DOCK4: variants seen among roughly 807,000 people sequenced by gnomAD.
DOCK4 encodes the protein dedicator of cytokinesis 4.
Under a neutral mutation model 268.1 loss-of-function variants are expected in DOCK4, and 97 were observed. That is an observed-to-expected ratio of 0.36 (90% CI 0.31 to 0.43). DOCK4 has a LOEUF of 0.43. Among genes scored for constraint, DOCK4 ranks in the 20% least tolerant of loss-of-function variants. DOCK4 has a pLI of 1.00. For missense variants in DOCK4, 2,145 were observed against 2,455.7 expected (o/e 0.87, Z 2.67); for synonymous variants, 954 against 887.2 (o/e 1.08, Z -1.34).
intron 24 of DOCK4, 79 bp downstream of exon 24, chr7:111,846,920 G>A: frequency 6.8e-7 from 1 of 1,467,626 alleles, no homozygotes; most frequent in Non-Finnish European, 9.1e-7. Flanking sequence ...CTTTAGTGCG[G>A]TTTCTTTGTA....
chr7:112,077,397 AT>A (rs1400686480), intron 1 of DOCK4, among the ~76,000 whole-genome samples: 1 of 152,038 alleles, frequency 6.6e-6, no homozygotes, highest in Non-Finnish European at 1.5e-5. Context: ...AATTTAGAAC[AT>A]TTTTCATTTT....
At chr7:111,838,878 T>G (rs1803451991) in intron 25 of DOCK4, among the ~76,000 whole-genome samples, 1 of 152,144 alleles carries the variant, frequency 6.6e-6, no homozygotes, top group Non-Finnish European at 1.5e-5. Context: ...CAATTATACC[T>G]CAATAAAATA....
rs560356680 is a variant in DOCK4 at position 111,805,392 on chromosome 7, T to A, written c.3166+3429A>T. Among the ~76,000 whole-genome samples the A allele has an allele frequency of 2.0e-5, 3 of 152,366 alleles. No homozygotes were observed. The South Asian group carries it at 6.2e-4, about 32-fold the overall frequency. On this transcript the variant is annotated intron_variant, in intron 30 of 52. Coordinates refer to ENST00000428084, the MANE Select transcript of DOCK4 (RefSeq NM_001363540.2). ...ATTCAGAACAAAGGTTAAACTTTCT[T>A]AATGTAAATAATCATTATAAAAGCA... is the stretch of plus-strand genomic sequence containing the variant.
intron 16 of DOCK4, among the ~76,000 whole-genome samples, chr7:111,886,142 T>C (rs1807817509): frequency 6.6e-6 from 1 of 152,132 alleles, no homozygotes; most frequent in Admixed American, 6.5e-5. Context: ...ATGGAATTAG[T>C]CAAATTAAGG....
intron 36 of DOCK4, among the ~76,000 whole-genome samples, chr7:111,777,202 TAC>T (rs563067840): frequency 1.5e-3 from 221 of 152,332 alleles, no homozygotes; most frequent in African/African-American, 5.1e-3. Flanking sequence ...ATTTTTAAAG[TAC>T]AGACACAAAA....
chr7:112,134,515 C>T (rs754011795), intron 1 of DOCK4, among the ~76,000 whole-genome samples: 4 of 152,028 alleles, frequency 2.6e-5, no homozygotes, highest in Non-Finnish European at 5.9e-5. Context: ...GTCAGGAGAT[C>T]GAGACCATGC....
chr7:111,950,464 T>C (rs1196961562), intron 8 of DOCK4, among the ~76,000 whole-genome samples: 1 of 152,228 alleles, frequency 6.6e-6, no homozygotes, highest in African/African-American at 2.4e-5. Flanking sequence ...GAAGAGAAGT[T>C]TATATGTTTC....
intron 12 of DOCK4, among the ~76,000 whole-genome samples, chr7:111,928,017 G>A (rs1586399448): frequency 6.6e-6 from 1 of 152,090 alleles, no homozygotes; most frequent in Non-Finnish European, 1.5e-5. Flanking sequence ...TCACCCCCTA[G>A]TATTTCTCTA....
At chr7:112,096,148 T>C (rs1166849308) in intron 1 of DOCK4, among the ~76,000 whole-genome samples, 1 of 151,788 alleles carries the variant, frequency 6.6e-6, no homozygotes, top group African/African-American at 2.4e-5. Context: ...TTCAACTATA[T>C]AAAATTTGTG....
intron 10 of DOCK4, among the ~76,000 whole-genome samples, chr7:111,942,350 C>G (rs988399397): frequency 3.3e-5 from 5 of 152,124 alleles, no homozygotes; most frequent in Non-Finnish European, 7.4e-5. Flanking sequence ...ATGCCCTTTT[C>G]CTACTAAATA....
At chr7:111,770,315 G>A (rs1798053323) in intron 36 of DOCK4, among the ~76,000 whole-genome samples, 1 of 151,990 alleles carries the variant, frequency 6.6e-6, no homozygotes, top group South Asian at 2.1e-4. Context: ...GGGGGAGTGT[G>A]TGGGTGTGTG....
chr7:111,733,664 ATAT>A (rs1280281487), intron 51 of DOCK4, among the ~76,000 whole-genome samples: 1 of 152,120 alleles, frequency 6.6e-6, no homozygotes, highest in East Asian at 1.9e-4. Context: ...ATTTGCATCA[ATAT>A]TATTCCTTAA....
intron 35 of DOCK4, among the ~76,000 whole-genome samples, chr7:111,782,619 C>T (rs533832749): frequency 8.3e-4 from 127 of 152,240 alleles, no homozygotes; most frequent in Non-Finnish European, 1.5e-3. Flanking sequence ...GGATCCCACA[C>T]GGGTCTCCTA....
intron 8 of DOCK4, among the ~76,000 whole-genome samples, chr7:111,976,225 T>A (rs1422093436): frequency 1.0e-5 from 1 of 96,282 alleles, no homozygotes; most frequent in South Asian, 3.7e-4. Flanking sequence ...TGTGTGTGCG[T>A]GTGTGTGTAT....
chr7:112,003,482 C>T (rs1800606856), intron 2 of DOCK4, among the ~76,000 whole-genome samples: 1 of 152,212 alleles, frequency 6.6e-6, no homozygotes, highest in African/African-American at 2.4e-5. Context: ...GGAATGGAAA[C>T]ATTTGAGAAC....
intron 23 of DOCK4, among the ~76,000 whole-genome samples, chr7:111,860,258 C>T (rs548424886): frequency 4.0e-4 from 61 of 152,320 alleles, no homozygotes; most frequent in Admixed American, 3.9e-3. Flanking sequence ...GCACTTTCCA[C>T]GTTTCCCTAG....
intron 1 of DOCK4, among the ~76,000 whole-genome samples, chr7:112,117,883 C>T (rs951567687): frequency 6.6e-6 from 1 of 152,102 alleles, no homozygotes; most frequent in Non-Finnish European, 1.5e-5. Flanking sequence ...TCTTCCTTTA[C>T]CTTGAGTCAA....
At chr7:111,803,417 G>A (rs1800446271) in intron 30 of DOCK4, among the ~76,000 whole-genome samples, 1 of 152,038 alleles carries the variant, frequency 6.6e-6, no homozygotes, top group African/African-American at 2.4e-5. Context: ...CTAATTGTTG[G>A]CCACATGGTC....
intron 1 of DOCK4, among the ~76,000 whole-genome samples, chr7:112,080,280 T>C (rs1303186712): frequency 1.3e-5 from 2 of 152,142 alleles, no homozygotes; most frequent in Non-Finnish European, 2.9e-5. Context: ...GGGACCTACT[T>C]ATACTAAAAA....
Sources: gnomAD v4.1 joint callset for allele counts (sites outside exome capture counted in the v4.1 genomes callset) on GRCh38, gnomAD v4.1.1 for gene constraint, MANE v1.5 for transcripts, NCBI Gene and HGNC (gene_info 2026-07-23, HGNC 2026-07-21) for gene names.